PDCD11: variants seen among roughly 807,000 people sequenced by gnomAD.
PDCD11 encodes protein RRP5 homolog.
A neutral mutation model predicts 198.9 loss-of-function variants in PDCD11; 97 were observed. That is an observed-to-expected ratio of 0.49 (90% CI 0.41 to 0.58). PDCD11 has a LOEUF of 0.58. Among genes scored for constraint, PDCD11 ranks in the 20% least tolerant of loss-of-function variants. PDCD11 has a pLI of 0.00. For missense variants in PDCD11, 2,102 were observed against 2,312.7 expected, an observed-to-expected ratio of 0.91 and a Z score of 1.87; for synonymous variants, 893 against 918.0, an observed-to-expected ratio of 0.97 and a Z score of 0.49.
In PDCD11 at chr10:103,423,610, A is replaced by T; in HGVS notation, c.2715A>T (p.Glu905Asp). ...VILNVDLLKL[E>D]VHVSLHQDLV... ...TAAATGTTGATCTTTTGAAGTTGGA[A>T]GTGCACGTTTCCCTTCACCAGGACT... The change falls in exon 19 of 36, where the codon GAA becomes GAT. Residue 905 changes from glutamate to aspartate, a missense_variant. Transcript: ENST00000369797. 6.2e-7 allele frequency: 1 copy of T among 1,614,020 alleles called. No homozygotes were observed. Among genetic ancestry groups the T allele is most frequent in the South Asian group, 1.1e-5 (1 of 91,078 alleles).
chr10:103,412,247 G>A (rs1270487115), intron 8 of PDCD11, among the ~76,000 whole-genome samples: 1 of 151,554 alleles, frequency 6.6e-6, no homozygotes. Context: ...TGCAACCTCT[G>A]CCTCCCCATT....
intron 34 of PDCD11, 115 bp from the exon 35 acceptor site, chr10:103,444,402 C>A: frequency 9.5e-7 from 1 of 1,049,480 alleles, no homozygotes; most frequent in Non-Finnish European, 1.4e-6. Context: ...TTGTCACAAC[C>A]TGAGTCTTGG....
chr10:103,421,976 AAAAAAAAAAAAAAAAAG>A (rs2031459724), intron 17 of PDCD11, among the ~76,000 whole-genome samples: 1 of 147,546 alleles, frequency 6.8e-6, no homozygotes, highest in Admixed American at 6.7e-5. Flanking sequence ...TCCGTCTCAA[AAAAAAAAAAAAAAAAAG>A]AAAAAAAAAA....
Position 103,414,659 on chromosome 10 carries a change from G to A in PDCD11, c.1371+329G>A, listed in dbSNP as rs144639571. 1.2e-3 allele frequency among the ~76,000 whole-genome samples: 190 copies of A among 152,278 alleles called. 3 individuals are homozygous for A. The Middle Eastern group carries it at 0.054, about 44-fold the overall frequency. ...GATATTAGTGAGAAGCCAGTTCCAG[G>A]TACCTGTCCTGTCCGACCATTTGGC... is the stretch of plus-strand genomic sequence containing the variant. On this transcript the variant is annotated intron_variant, in intron 11 of 35. Coordinates refer to ENST00000369797, the MANE Select transcript of PDCD11 (RefSeq NM_014976.2).
Position 103,445,513 on chromosome 10 carries a change from G to A in PDCD11, c.5580G>A (p.Glu1860=), listed in dbSNP as rs1592145967. 2 of 1,614,054 alleles carry A rather than the reference G, an allele frequency of 1.2e-6. No homozygotes were observed. Among genetic ancestry groups the A allele is most frequent in the Non-Finnish European group, 1.7e-6 (2 of 1,180,042 alleles). ...DVQAVKAKAL[E]YVEAKSSVLE... ...AGGCAGTCAAGGCCAAGGCCCTGGA[G>A]TATGTGGAGGCCAAGAGCTCAGTGC... The change falls in exon 36 of 36, where the codon GAG becomes GAA. Residue 1860 remains glutamate, a synonymous_variant. Transcript: ENST00000369797.
intron 19 of PDCD11, 126 bp from the exon 20 acceptor site, chr10:103,424,858 C>A: frequency 9.9e-7 from 1 of 1,008,556 alleles, no homozygotes; most frequent in Non-Finnish European, 1.5e-6. Flanking sequence ...CAGCTCAGAC[C>A]AGCCTTGAGT....
intron 6 of PDCD11, 28 bp from the exon 7 acceptor site, chr10:103,406,579 TCC>T (rs1406924969): frequency 6.2e-7 from 1 of 1,601,028 alleles, no homozygotes; most frequent in Admixed American, 1.7e-5. Flanking sequence ...GATACATTTT[TCC>T]TTTTGGGGCC....
intron 17 of PDCD11, among the ~76,000 whole-genome samples, chr10:103,421,849 C>G (rs2031449289): frequency 1.3e-5 from 2 of 150,496 alleles, no homozygotes; most frequent in South Asian, 4.2e-4. Flanking sequence ...CGCCTGTAGT[C>G]CCAGCTACTC....
intron 20 of PDCD11, 138 bp from the exon 21 acceptor site, chr10:103,427,191 T>G (rs2031732377): frequency 1.4e-6 from 1 of 740,514 alleles, no homozygotes; most frequent in African/African-American, 1.8e-5. Flanking sequence ...CTGACACATC[T>G]GTCTTCAGTG....
chr10:103,444,991 G>A (rs891781609), intron 35 of PDCD11, among the ~76,000 whole-genome samples: 5 of 152,152 alleles, frequency 3.3e-5, no homozygotes, highest in Admixed American at 3.3e-4. Flanking sequence ...TGACCCCAGC[G>A]TCTCCACAAG....
chr10:103,438,000 T>C lies in PDCD11; in HGVS notation c.3846-15T>C. On this transcript the variant is annotated splice_polypyrimidine_tract_variant and intron_variant, in intron 25 of 35. Coordinates refer to ENST00000369797, the MANE Select transcript of PDCD11 (RefSeq NM_014976.2). ...CTGAAAATTGAGCGTTTCCTTCTCT[T>C]TTGCCTTCATTCAGATGTTACATCC... is the stretch of plus-strand genomic sequence containing the variant. The C allele has an allele frequency of 1.2e-6, 2 of 1,611,016 alleles. No homozygotes were observed. The highest frequency in any genetic ancestry group is 8.5e-7 in the Non-Finnish European group (1 of 1,177,374).
chr10:103,415,080 A>T lies in PDCD11; in HGVS notation c.1447A>T (p.Met483Leu). ...GEQMRGLVPP[M>L]HLADILMKNP... ...GCAGATGAGGGGCCTGGTACCTCCC[A>T]TGCACCTGGCTGACATCCTGATGAA... The change falls in exon 12 of 36, where the codon ATG becomes TTG. Residue 483 changes from methionine (M) to leucine (L), a missense_variant. Physicochemically the swap from Met to Leu is conservative, Grantham distance 15. Coordinates refer to ENST00000369797, the MANE Select transcript of PDCD11 (RefSeq NM_014976.2). The T allele has an allele frequency of 6.2e-7, 1 of 1,614,144 alleles. No individual in the cohort carries two copies. Among genetic ancestry groups the T allele is most frequent in the Non-Finnish European group, 8.5e-7 (1 of 1,180,002 alleles).
intron 16 of PDCD11, among the ~76,000 whole-genome samples, chr10:103,420,353 CTACTGAG>C (rs2133709486): frequency 6.6e-6 from 1 of 152,288 alleles, no homozygotes; most frequent in Non-Finnish European, 1.5e-5. Flanking sequence ...TCATCCTGAG[CTACTGAG>C]TACAGGTTTT....
At position 103,439,833 on chromosome 10, in the gene PDCD11, C is replaced by A. The variant is rs764551873; in HGVS notation, c.4113C>A (p.Leu1371=). The change falls in exon 28 of 36, where the codon CTC becomes CTA. Residue 1371 remains leucine (L), a synonymous_variant. Transcript: ENST00000369797. The stretch of plus-strand genomic sequence containing the variant: ...AGAAAGCCCTTTATAACAAACACCT[C>A]CCTGAAGGGAAGCTGCTCACAGCCA... ...PSKKALYNKH[L]PEGKLLTARV... is the part of the protein sequence containing the mutation. 6.2e-7 allele frequency: 1 copy of A among 1,614,204 alleles called. No homozygotes were observed. The highest frequency in any genetic ancestry group is 8.5e-7 in the Non-Finnish European group (1 of 1,180,028).
At chr10:103,422,195 C>T (rs950128532) in intron 17 of PDCD11, among the ~76,000 whole-genome samples, 8 of 151,022 alleles carry the variant, frequency 5.3e-5, no homozygotes, top group Non-Finnish European at 7.4e-5. Flanking sequence ...ATTCTCCTTC[C>T]TCAGCCTCCG....
chr10:103,414,146 A>G (rs2030968368), intron 10 of PDCD11, 56 bp downstream of exon 10: 13 of 1,587,802 alleles, frequency 8.2e-6, no homozygotes, highest in Non-Finnish European at 1.0e-5. Context: ...ACATGTTCAT[A>G]TTCCATTTCT....
At chr10:103,403,094 C>T (rs1328349553) in intron 3 of PDCD11, 24 bp from the exon 4 acceptor site, 7 of 1,609,860 alleles carry the variant, frequency 4.3e-6, no homozygotes, top group Non-Finnish European at 5.9e-6. Flanking sequence ...CCTTATTGTA[C>T]ACATTTCACT....
intron 1 of PDCD11, among the ~76,000 whole-genome samples, chr10:103,396,989 A>G (rs2093439513): frequency 6.6e-6 from 1 of 152,084 alleles, no homozygotes; most frequent in Non-Finnish European, 1.5e-5. Context: ...TAAGGGTGAA[A>G]TTATCAGCAA....
intron 19 of PDCD11, among the ~76,000 whole-genome samples, chr10:103,424,780 A>T (rs1423633338): frequency 6.6e-6 from 1 of 152,198 alleles, no homozygotes; most frequent in Non-Finnish European, 1.5e-5. Flanking sequence ...GGTAATTCAG[A>T]GGCAGCCCCA....
Sources: gnomAD v4.1 joint callset for allele counts (sites outside exome capture counted in the v4.1 genomes callset) on GRCh38, gnomAD v4.1.1 for gene constraint, MANE v1.5 for transcripts, NCBI Gene and HGNC (gene_info 2026-07-23, HGNC 2026-07-21) for gene names.